Variants in CD86 observed in about 807,000 individuals in gnomAD.
The protein encoded by CD86 is CD86 molecule, also known as T-lymphocyte activation antigen CD86.
In CD86, 11 loss-of-function variants were observed where a neutral mutation model predicts 32.1. The ratio of observed to expected loss-of-function variants is 0.34; its 90% CI spans 0.22 to 0.57. The LOEUF (loss-of-function observed/expected upper bound fraction) is 0.57, where lower values mean the gene tolerates loss of function less well. Ranked by LOEUF, CD86 falls within the 20% of genes least tolerant of loss-of-function variation. The pLI, the probability that CD86 is intolerant of heterozygous loss-of-function variation, is 0.86. For missense variants in CD86, 359 were observed against 398.4 expected (o/e 0.90, Z 0.84); for synonymous variants, 137 against 135.3 (o/e 1.01, Z -0.09).
intron 5 of CD86, 70 bp from the exon 6 acceptor site, chr3:122,117,978 T>C: frequency 1.5e-6 from 2 of 1,361,658 alleles, no homozygotes; most frequent in South Asian, 2.4e-5. Flanking sequence ...CTTTGAAGCC[T>C]TTTCAAACTT....
intron 1 of CD86, among the ~76,000 whole-genome samples, chr3:122,077,225 G>T (rs1419209507): frequency 1.3e-5 from 2 of 152,166 alleles, no homozygotes; most frequent in African/African-American, 4.8e-5. Flanking sequence ...GATCACATAC[G>T]AGTGAAACCT....
intron 1 of CD86, among the ~76,000 whole-genome samples, chr3:122,071,206 A>G (rs757267760): frequency 2.8e-4 from 43 of 152,148 alleles, no homozygotes; most frequent in Admixed American, 9.8e-4. Context: ...CAAATACACA[A>G]TGTCATGTAT....
In CD86 at chr3:122,106,471, C is replaced by T. The variant is rs1576783823; in HGVS notation, c.674C>T (p.Thr225Met). The T allele has an allele frequency of 1.9e-6, 3 of 1,611,000 alleles. No homozygotes were observed. The highest frequency in any genetic ancestry group is 1.1e-5 in the South Asian group (1 of 90,544). Residue 225 changes from threonine (T) to methionine (M), a missense_variant, in exon 4 of 7, where the codon ACG becomes ATG. Physicochemically the swap from Thr to Met is moderately conservative, Grantham distance 81. Coordinates refer to ENST00000330540, the MANE Select transcript of CD86 (RefSeq NM_175862.5). The stretch of plus-strand genomic sequence containing the variant: ...TTCTGTATTCTGGAAACTGACAAGA[C>T]GCGGCTTTTATCTTCACCTTTCTCT... ...TIFCILETDK[T>M]RLLSSPFSIE... is the part of the protein sequence containing the mutation.
At chr3:122,088,588 G>C (rs1194229151) in intron 1 of CD86, among the ~76,000 whole-genome samples, 1 of 152,114 alleles carries the variant, frequency 6.6e-6, no homozygotes, top group Non-Finnish European at 1.5e-5. Context: ...GCAGAGTATG[G>C]GAACAGAGTT....
chr3:122,109,233 C>T, intron 4 of CD86, 32 bp from the exon 5 acceptor site: 2 of 1,605,308 alleles, frequency 1.2e-6, no homozygotes, highest in East Asian at 2.2e-5. Flanking sequence ...AATGACTCTC[C>T]TGGCTGATTG....
chr3:122,081,795 G>A (rs1219365989), intron 1 of CD86, among the ~76,000 whole-genome samples: 1 of 152,164 alleles, frequency 6.6e-6, no homozygotes, highest in Non-Finnish European at 1.5e-5. Flanking sequence ...CTGAGACCAA[G>A]TCTGACTCAC....
intron 5 of CD86, among the ~76,000 whole-genome samples, chr3:122,110,429 TTTGA>T (rs1248664877): frequency 6.6e-6 from 1 of 152,190 alleles, no homozygotes; most frequent in Non-Finnish European, 1.5e-5. Context: ...TAGTAATTAG[TTTGA>T]TTGGTGCTAA....
intron 1 of CD86, among the ~76,000 whole-genome samples, chr3:122,057,424 C>T (rs1036140805): frequency 6.6e-6 from 1 of 152,130 alleles, no homozygotes; most frequent in African/African-American, 2.4e-5. Context: ...TAAAATTCCA[C>T]TGTAGAACAA....
chr3:122,100,103 G>A (rs897018430), intron 2 of CD86, among the ~76,000 whole-genome samples: 5 of 152,262 alleles, frequency 3.3e-5, no homozygotes, highest in East Asian at 3.9e-4. Context: ...AATAGTCTGC[G>A]GGTGTAGACC....
intron 1 of CD86, among the ~76,000 whole-genome samples, chr3:122,070,947 G>GT (rs796641105): frequency 2.6e-4 from 39 of 150,962 alleles, no homozygotes; most frequent in Admixed American, 4.0e-4. Context: ...TAGCATGTGT[G>GT]TTTTTTTTTA....
intron 1 of CD86, among the ~76,000 whole-genome samples, chr3:122,063,934 C>A (rs2072375956): frequency 6.6e-6 from 1 of 152,174 alleles, no homozygotes; most frequent in Non-Finnish European, 1.5e-5. Flanking sequence ...ACAGAAAAAT[C>A]TTGGCATAAA....
intron 1 of CD86, among the ~76,000 whole-genome samples, chr3:122,070,613 C>G (rs1187598201): frequency 1.3e-5 from 2 of 152,130 alleles, no homozygotes; most frequent in African/African-American, 4.8e-5. Flanking sequence ...CCTTCAGAAA[C>G]ATGGAACTGA....
chr3:122,061,764 A>T (rs997528707), intron 1 of CD86, among the ~76,000 whole-genome samples: 2 of 152,348 alleles, frequency 1.3e-5, no homozygotes, highest in East Asian at 1.9e-4. Context: ...TGGTCAAGCC[A>T]CTCTAGAAAA....
At chr3:122,068,684 A>G (rs1213370969) in intron 1 of CD86, among the ~76,000 whole-genome samples, 3 of 152,254 alleles carry the variant, frequency 2.0e-5, no homozygotes, top group Non-Finnish European at 4.4e-5. Context: ...GCTGCTGTAT[A>G]TATTTCATTT....
intron 1 of CD86, chr3:122,077,661 G>A (rs2072572718): frequency 2.0e-6 from 1 of 496,452 alleles, no homozygotes; most frequent in Admixed American, 6.4e-5. Context: ...GAATCTGTCA[G>A]GGAAGGTGTC....
At chr3:122,091,674 A>G in intron 2 of CD86, 24 bp downstream of exon 2, 2 of 1,600,752 alleles carry the variant, frequency 1.2e-6, no homozygotes, top group Non-Finnish European at 1.7e-6. Flanking sequence ...AGCTTTGTTA[A>G]GTCCTGGAAT....
chr3:122,104,638 C>A (rs1274896618), intron 3 of CD86, among the ~76,000 whole-genome samples: 2 of 152,164 alleles, frequency 1.3e-5, no homozygotes, highest in African/African-American at 4.8e-5. Context: ...ACTCATAACC[C>A]TTGTTGGGCA....
intron 5 of CD86, 142 bp downstream of exon 5, chr3:122,109,550 T>C: frequency 1.1e-6 from 1 of 933,266 alleles, no homozygotes; most frequent in South Asian, 1.4e-5. Context: ...TCCCTTGGAG[T>C]TTTGAGCCTA....
At chr3:122,084,178 G>T (rs920215917) in intron 1 of CD86, among the ~76,000 whole-genome samples, 1 of 152,254 alleles carries the variant, frequency 6.6e-6, no homozygotes, top group South Asian at 2.1e-4. Flanking sequence ...GTAGAGACGG[G>T]GTTTCCCCAT....
Sources: gnomAD v4.1 joint callset for allele counts (sites outside exome capture counted in the v4.1 genomes callset) on GRCh38, gnomAD v4.1.1 for gene constraint, MANE v1.5 for transcripts, NCBI Gene and HGNC (gene_info 2026-07-23, HGNC 2026-07-21) for gene names.